The following HEPHL1 variants were observed in gnomAD, a reference collection of about 807,000 sequenced individuals.
HEPHL1 encodes ferroxidase HEPHL1.
In HEPHL1, 123 loss-of-function variants were observed where a neutral mutation model predicts 122.0. The ratio of observed to expected loss-of-function variants is 1.01; its 90% CI spans 0.87 to 1.17. HEPHL1 has a LOEUF of 1.17. Ranked by LOEUF, HEPHL1 falls within the 50% of genes most tolerant of loss-of-function variation. The pLI, the probability that HEPHL1 is intolerant of heterozygous loss-of-function variation, is 0.00. For missense variants in HEPHL1, 1,452 were observed against 1,430.5 expected (o/e 1.01, Z -0.24); for synonymous variants, 527 against 508.9 (o/e 1.04, Z -0.48).
At chr11:94,024,052 C>A (rs1357351733) in intron 1 of HEPHL1, among the ~76,000 whole-genome samples, 1 of 152,200 alleles carries the variant, frequency 6.6e-6, no homozygotes, top group Non-Finnish European at 1.5e-5. Flanking sequence ...AAGGAGCCAT[C>A]GTGGATGATG....
At chr11:94,053,469 A>G (rs1274388104) in intron 2 of HEPHL1, among the ~76,000 whole-genome samples, 1 of 151,446 alleles carries the variant, frequency 6.6e-6, no homozygotes, top group East Asian at 1.9e-4. Context: ...TTCTGTTCCA[A>G]TCTTTATTTC....
intron 10 of HEPHL1, among the ~76,000 whole-genome samples, chr11:94,083,185 G>T (rs1215888355): frequency 1.3e-5 from 2 of 152,056 alleles, no homozygotes; most frequent in African/African-American, 4.8e-5. Context: ...ATAACATTAA[G>T]TCTGAAAACC....
rs562100386 is a variant in HEPHL1, at chr11:94,104,839, A to G, written c.2905+89A>G. The G allele has an allele frequency of 1.4e-3, 1,448 of 1,006,366 alleles. 2 individuals carry two copies. Among genetic ancestry groups the G allele is most frequent in the Non-Finnish European group, 1.9e-3 (1,257 of 673,084 alleles). 62.3% of individuals were successfully genotyped at this position (1,006,366 alleles called of 1,614,324 possible). ...AGGAGGCTCCCAGCATCCTTCTCTGAGCCTTTCCTCCTTCCCAGGGGCACC... is the reference window on the plus strand; with the variant it reads ...AGGAGGCTCCCAGCATCCTTCTCTGGGCCTTTCCTCCTTCCCAGGGGCACC... On this transcript the variant is annotated intron_variant, in intron 16 of 19. Transcript: ENST00000315765.
At chr11:94,052,827 C>G (rs187506009) in intron 2 of HEPHL1, among the ~76,000 whole-genome samples, 5 of 152,142 alleles carry the variant, frequency 3.3e-5, no homozygotes, top group Admixed American at 3.3e-4. Flanking sequence ...GGGATAAATC[C>G]CATTTGGCCA....
At chr11:94,055,792 AC>A (rs1945931729) in intron 2 of HEPHL1, 1 of 411,232 alleles carries the variant, frequency 2.4e-6, no homozygotes, top group African/African-American at 2.0e-5. Context: ...TGGTTTCTGT[AC>A]CCATAGGATG....
rs1027202391 is a variant in HEPHL1, at chr11:94,099,995, G to A, written c.2435-1200G>A. On this transcript the variant is annotated intron_variant, in intron 13 of 19. Coordinates refer to ENST00000315765, the MANE Select transcript of HEPHL1 (RefSeq NM_001098672.2). ...GATGCCTCTCCCTGCTTCGGCTCACGCTCGGTGGGCTGCACCCACTGTCCT... is the reference window on the plus strand; with the variant it reads ...GATGCCTCTCCCTGCTTCGGCTCACACTCGGTGGGCTGCACCCACTGTCCT... Among the ~76,000 whole-genome samples the A allele has an allele frequency of 3.9e-5, 6 of 151,980 alleles. 1 individual carries two copies. Among genetic ancestry groups the A allele is most frequent in the African/African-American group, 2.4e-5 (1 of 41,390 alleles).
chr11:94,043,055 G>A (rs1035857742), intron 1 of HEPHL1, among the ~76,000 whole-genome samples: 7 of 151,954 alleles, frequency 4.6e-5, no homozygotes, highest in African/African-American at 1.4e-4. Flanking sequence ...GAACAGAGAA[G>A]TGCTCCATGA....
intron 9 of HEPHL1, among the ~76,000 whole-genome samples, chr11:94,078,478 G>GATATATATATATATATATATATAT (rs1946144929): frequency 1.5e-5 from 1 of 68,818 alleles, no homozygotes; most frequent in Non-Finnish European, 3.2e-5. Flanking sequence ...TATATATATG[G>GATATATATATATATATATATATAT]AGAAAGAGAC....
In HEPHL1 at chr11:94,106,208, T is replaced by A. The variant is rs1472534661; in HGVS notation, c.3045+78T>A. ...ATGTATTTCCAGTGGAAAATAAGAG[T>A]TACTTGGCAATAATGCTTGTGAGGA... On this transcript the variant is annotated intron_variant, in intron 17 of 19. Coordinates refer to ENST00000315765, the MANE Select transcript of HEPHL1 (RefSeq NM_001098672.2). 3.4e-6 allele frequency: 4 copies of A among 1,172,000 alleles called. No homozygotes were observed. In the African/African-American group the frequency reaches 6.1e-5, roughly 18 times the overall value. The allele number at this position is 1,172,000 out of a possible 1,614,324, so 72.6% of individuals were successfully genotyped here. A position where few individuals can be genotyped will look rare whatever the true frequency, so the allele number is the denominator to read the frequency against.
chr11:94,082,267 A>G (rs774660461), intron 9 of HEPHL1, 151 bp from the exon 10 acceptor site: 122 of 499,636 alleles, frequency 2.4e-4, no homozygotes, highest in Non-Finnish European at 3.8e-4. Context: ...AGCAACATTC[A>G]GTATCTTTAT....
chr11:94,030,561 A>AG lies in HEPHL1; in HGVS notation c.170+9025dup, dbSNP rs1945665080. On this transcript the variant is annotated intron_variant, in intron 1 of 19. Transcript: ENST00000315765. ...GCTCCAGTCATCATGTCTACATTTC[A>AG]GGCATGAATAAAGGGAAGAGAAGAG... Among the ~76,000 whole-genome samples the AG allele has an allele frequency of 3.3e-5, 5 of 152,240 alleles. No individual in the cohort carries two copies. In the East Asian group the frequency reaches 9.7e-4, roughly 29 times the overall value.
intron 1 of HEPHL1, among the ~76,000 whole-genome samples, chr11:94,042,781 C>A (rs1414850982): frequency 4.3e-5 from 6 of 140,862 alleles, no homozygotes; most frequent in Non-Finnish European, 7.6e-5. Context: ...TGCTAGATGA[C>A]GAGTTAGTGG....
chr11:94,098,275 T>C (rs1364242353), intron 13 of HEPHL1, among the ~76,000 whole-genome samples: 1 of 152,202 alleles, frequency 6.6e-6, no homozygotes, highest in African/African-American at 2.4e-5. Flanking sequence ...CTTATGAAGC[T>C]TAGTTTGGCT....
chr11:94,093,901 G>A (rs1359067987), intron 13 of HEPHL1, among the ~76,000 whole-genome samples: 2 of 146,304 alleles, frequency 1.4e-5, no homozygotes, highest in South Asian at 2.2e-4. Context: ...TCTAACTGGT[G>A]TATGATACCC....
chr11:94,086,835 T>C (rs1946222482), intron 11 of HEPHL1, among the ~76,000 whole-genome samples: 1 of 152,266 alleles, frequency 6.6e-6, no homozygotes, highest in Non-Finnish European at 1.5e-5. Flanking sequence ...CAACACGTGG[T>C]AGCACATGCT....
At chr11:94,030,444 G>A (rs1025940270) in intron 1 of HEPHL1, among the ~76,000 whole-genome samples, 8 of 151,976 alleles carry the variant, frequency 5.3e-5, no homozygotes, top group Non-Finnish European at 8.8e-5. Flanking sequence ...CCAGAGGTTG[G>A]CAATCATCTG....
At chr11:94,021,917 A>C (rs369141396) in intron 1 of HEPHL1, among the ~76,000 whole-genome samples, 4 of 152,316 alleles carry the variant, frequency 2.6e-5, no homozygotes, top group African/African-American at 9.6e-5. Flanking sequence ...GTTAAAACAC[A>C]GTGTTTTCTT....
chr11:94,082,634 G>A lies in HEPHL1; in HGVS notation c.1867+66G>A, dbSNP rs1425003742. On this transcript the variant is annotated intron_variant, in intron 10 of 19. Coordinates refer to ENST00000315765, the MANE Select transcript of HEPHL1 (RefSeq NM_001098672.2). The stretch of plus-strand genomic sequence containing the variant: ...CTTGCATTAGAAGTGAAAATGATTG[G>A]TGTGTTTGAATTATATTAATTTTGG... 4 of 1,453,940 alleles carry A rather than the reference G, an allele frequency of 2.8e-6. No individual in the cohort carries two copies. The East Asian group carries it at 6.9e-5, about 25-fold the overall frequency. The allele number at this position is 1,453,940 out of a possible 1,614,324, so 90.1% of individuals were successfully genotyped here.
Position 94,088,767 on chromosome 11 carries a change from T to G in HEPHL1, c.2093T>G (p.Val698Gly). The change falls in exon 12 of 20, where the codon GTG becomes GGG. Residue 698 changes from valine (V) to glycine (G), a missense_variant. Physicochemically the swap from Val to Gly is moderately radical, Grantham distance 109 (BLOSUM62 -3). Coordinates refer to ENST00000315765, the MANE Select transcript of HEPHL1 (RefSeq NM_001098672.2). Reference sequence around the variant, plus strand: ...ATTTCTCTTGCAGGTATTTTTAGGGTGTTTTGTGCCACCATGCCCCACCTC... The same window carrying G: ...ATTTCTCTTGCAGGTATTTTTAGGGGGTTTTGTGCCACCATGCCCCACCTC... Reference protein sequence around the residue: ...MQPDHAGIFRVFCATMPHLSR... With the variant: ...MQPDHAGIFRGFCATMPHLSR... The G allele has an allele frequency of 6.2e-7, 1 of 1,612,858 alleles. No individual in the cohort carries two copies. Among genetic ancestry groups the G allele is most frequent in the Non-Finnish European group, 8.5e-7 (1 of 1,179,308 alleles).
Sources: gnomAD v4.1 joint callset for allele counts (sites outside exome capture counted in the v4.1 genomes callset) on GRCh38, gnomAD v4.1.1 for gene constraint, MANE v1.5 for transcripts, NCBI Gene and HGNC (gene_info 2026-07-23, HGNC 2026-07-21) for gene names.